SGSM2: variants seen among roughly 807,000 people sequenced by gnomAD.
SGSM2 encodes the protein RUN and TBC1 domain containing 1.
Under a neutral mutation model 126.6 loss-of-function variants are expected in SGSM2, and 89 were observed. That is an observed-to-expected ratio of 0.70 (90% CI 0.59 to 0.84). The LOEUF is 0.84. SGSM2 is among the 40% of genes least tolerant of loss of function. The pLI is 0.00. For synonymous variants in SGSM2, 614 were observed against 574.3 expected (o/e 1.07, Z -0.99); for missense variants, 1,404 against 1,416.6 (o/e 0.99, Z 0.14).
At chr17:2,345,595 CAAAAAA>C (rs1228278801) in intron 2 of SGSM2, among the ~76,000 whole-genome samples, 2 of 84,214 alleles carry the variant, frequency 2.4e-5, no homozygotes, top group South Asian at 5.1e-4. Flanking sequence ...GACTCTGTCT[CAAAAAA>C]AAAAAAAAAA....
At position 2,380,213 on chromosome 17, in the gene SGSM2, G is replaced by T. The variant is rs2066354572; in HGVS notation, c.*693G>T. 2 of 1,534,798 alleles carry T rather than the reference G, an allele frequency of 1.3e-6. No homozygotes were observed. Among genetic ancestry groups the T allele is most frequent in the Non-Finnish European group, 1.7e-6 (2 of 1,145,912 alleles). On this transcript the variant is annotated 3_prime_UTR_variant, in exon 24 of 24. Transcript: ENST00000268989. ...CCCCGGCCTTGTACAGTGTACCTCT[G>T]TGTATCTGTACAGCCTCGCTCCTGC... is the stretch of plus-strand genomic sequence containing the variant.
chr17:2,357,343 A>G (rs1224721758), intron 2 of SGSM2, among the ~76,000 whole-genome samples: 5 of 152,128 alleles, frequency 3.3e-5, no homozygotes, highest in Non-Finnish European at 5.9e-5. Context: ...CCAGACTCCA[A>G]AGGCCACCAG....
At chr17:2,344,348 C>T (rs1426859500) in intron 2 of SGSM2, among the ~76,000 whole-genome samples, 1 of 152,258 alleles carries the variant, frequency 6.6e-6, no homozygotes, top group East Asian at 1.9e-4. Flanking sequence ...AGCTTCCTCT[C>T]AACCCCCCAT....
Position 2,363,660 on chromosome 17 carries a change from C to G in SGSM2, c.807+61C>G. On this transcript the variant is annotated intron_variant, in intron 7 of 23. Coordinates refer to ENST00000268989, the MANE Select transcript of SGSM2 (RefSeq NM_014853.3). The surrounding 1 kb of genome is among the most constrained non-coding windows in gnomAD (Gnocchi z 4.2). Reference sequence around the variant, plus strand: ...GTCCCCGAACGAGACGACTGGAAGCCTCTAGCCATGGCTATTCCTTTCCTG... The same window carrying G: ...GTCCCCGAACGAGACGACTGGAAGCGTCTAGCCATGGCTATTCCTTTCCTG... 1.9e-6 allele frequency: 3 copies of G among 1,593,954 alleles called. No individual in the cohort carries two copies. Among genetic ancestry groups the G allele is most frequent in the Non-Finnish European group, 2.6e-6 (3 of 1,167,608 alleles).
chr17:2,371,570 T>C, intron 13 of SGSM2, 155 bp downstream of exon 13: 1 of 870,918 alleles, frequency 1.1e-6, no homozygotes, highest in Non-Finnish European at 1.7e-6. Flanking sequence ...CCACGTGACT[T>C]ACAAGTTATG....
At chr17:2,348,400 C>G (rs926307133) in intron 2 of SGSM2, among the ~76,000 whole-genome samples, 8 of 152,132 alleles carry the variant, frequency 5.3e-5, no homozygotes, top group African/African-American at 1.9e-4. Context: ...AAAGGAGGAG[C>G]GGGTTCCTCC....
chr17:2,364,225 G>A (rs2065454425), intron 8 of SGSM2, 42 bp downstream of exon 8: 1 of 1,611,666 alleles, frequency 6.2e-7, no homozygotes, highest in South Asian at 1.1e-5. Context: ...AGGGCAGGGA[G>A]TGGGTTTGAC....
chr17:2,377,412 A>T, intron 21 of SGSM2: 1 of 179,872 alleles, frequency 5.6e-6, no homozygotes, highest in Admixed American at 6.4e-5. Flanking sequence ...TGAACCCGGG[A>T]GGTGGAGGTT....
intron 2 of SGSM2, among the ~76,000 whole-genome samples, chr17:2,354,894 G>T (rs1321458893): frequency 6.9e-6 from 1 of 144,996 alleles, no homozygotes; most frequent in Non-Finnish European, 1.5e-5. Flanking sequence ...AAGCGTTGGG[G>T]AAGGGACCCC....
chr17:2,337,817 G>A lies in SGSM2; in HGVS notation c.57+72G>A, dbSNP rs985523427. On this transcript the variant is annotated intron_variant, in intron 1 of 23. Coordinates refer to ENST00000268989, the MANE Select transcript of SGSM2 (RefSeq NM_014853.3). This position sits in a 1 kb window ranked among gnomAD's most constrained non-coding sequence, Gnocchi z 5.1. Reference sequence around the variant, plus strand: ...CGGCCCAGGGGGCAGAAAGGTCCGCGCCCACCCCCCGGCGCGGGCACCCGG... The same window carrying A: ...CGGCCCAGGGGGCAGAAAGGTCCGCACCCACCCCCCGGCGCGGGCACCCGG... The A allele has an allele frequency of 4.9e-6, 6 of 1,230,806 alleles. No individual in the cohort carries two copies. Among genetic ancestry groups the A allele is most frequent in the Non-Finnish European group, 6.5e-6 (6 of 928,124 alleles). The allele number at this position is 1,230,806 out of a possible 1,614,324, so 76.2% of individuals were successfully genotyped here.
intron 2 of SGSM2, among the ~76,000 whole-genome samples, chr17:2,360,869 C>T (rs118036039): frequency 0.026 from 3,964 of 152,308 alleles, 60 homozygotes; most frequent in Non-Finnish European, 0.039. Flanking sequence ...TGACTGTGAT[C>T]GAGTTTCTTC....
At chr17:2,340,732 C>A (rs983218493) in intron 1 of SGSM2, among the ~76,000 whole-genome samples, 1 of 151,924 alleles carries the variant, frequency 6.6e-6, no homozygotes, top group Non-Finnish European at 1.5e-5. Flanking sequence ...CTACAGGCGC[C>A]TGCCACCACG....
rs2065657468 is a variant in SGSM2, at chr17:2,367,629, G to A, written c.1423+224G>A. ...GGCAGGTGGCTCCAGGCTGTGAGGAGGAAGAGGATTTGCTAATAGGAAGGT... is the reference window on the plus strand; with the variant it reads ...GGCAGGTGGCTCCAGGCTGTGAGGAAGAAGAGGATTTGCTAATAGGAAGGT... On this transcript the variant is annotated intron_variant, in intron 12 of 23. Transcript: ENST00000268989. This position sits in a 1 kb window ranked among gnomAD's most constrained non-coding sequence, Gnocchi z 4.0. Among the ~76,000 whole-genome samples the A allele has an allele frequency of 6.6e-6, 1 of 152,256 alleles. No individual in the cohort carries two copies. The highest frequency in any genetic ancestry group is 2.1e-4 in the South Asian group (1 of 4,838).
rs779002424 is a variant in SGSM2, at chr17:2,362,960, G to A, written c.527-29G>A. The A allele has an allele frequency of 2.4e-5, 38 of 1,613,934 alleles. No homozygotes were observed. The highest frequency in any genetic ancestry group is 3.3e-4 in the Middle Eastern group (2 of 6,082). On this transcript the variant is annotated intron_variant, in intron 5 of 23. Coordinates refer to ENST00000268989, the MANE Select transcript of SGSM2 (RefSeq NM_014853.3). This position sits in a 1 kb window ranked among gnomAD's most constrained non-coding sequence, Gnocchi z 4.9. ...ACGGGGCAGGTGCTGAGGGAGCATCGTCTGGGCTGGCTGTCTCTGTCTCCA... is the reference window on the plus strand; with the variant it reads ...ACGGGGCAGGTGCTGAGGGAGCATCATCTGGGCTGGCTGTCTCTGTCTCCA...
rs1165473173 is a variant in SGSM2, at chr17:2,367,874, C to T, written c.1423+469C>T. On this transcript the variant is annotated intron_variant, in intron 12 of 23. Transcript: ENST00000268989. The surrounding 1 kb of genome is among the most constrained non-coding windows in gnomAD (Gnocchi z 4.0). ...GCAGGGGCAGCAGCTGTGGGTCAGG[C>T]GAGGGGTTGAGGGCTGCCATGCGAA... Among the ~76,000 whole-genome samples the T allele has an allele frequency of 2.6e-5, 4 of 152,088 alleles. No individual in the cohort carries two copies. Among genetic ancestry groups the T allele is most frequent in the Non-Finnish European group, 5.9e-5 (4 of 67,988 alleles).
intron 21 of SGSM2, 55 bp from the exon 22 acceptor site, chr17:2,377,802 C>A: frequency 8.4e-7 from 1 of 1,197,204 alleles, no homozygotes; most frequent in Non-Finnish European, 1.2e-6. Context: ...GAGTGGCGGC[C>A]AGAGGCAGCA....
At chr17:2,350,137 G>C (rs1202888659) in intron 2 of SGSM2, among the ~76,000 whole-genome samples, 1 of 151,606 alleles carries the variant, frequency 6.6e-6, no homozygotes, top group Admixed American at 6.6e-5. Context: ...GCCCAGACTG[G>C]TCTCAAACTC....
In SGSM2 at chr17:2,367,466, G is replaced by A; in HGVS notation, c.1423+61G>A. ...CCCACCCTCCCTCCCGGGCCCGCCT[G>A]CCACCCACCACAGGGGTTCGAACGG... On this transcript the variant is annotated intron_variant, in intron 12 of 23. Transcript: ENST00000268989. This position sits in a 1 kb window ranked among gnomAD's most constrained non-coding sequence, Gnocchi z 4.0. The A allele has an allele frequency of 6.4e-7, 1 of 1,564,250 alleles. No homozygotes were observed. The highest frequency in any genetic ancestry group is 1.2e-5 in the South Asian group (1 of 85,276).
At chr17:2,377,701 G>C (rs901961775) in intron 21 of SGSM2, 156 bp from the exon 22 acceptor site, 2 of 547,096 alleles carry the variant, frequency 3.7e-6, no homozygotes, top group East Asian at 3.1e-5. Flanking sequence ...GGAGATCCGA[G>C]GGGGAGAGAG....
Sources: allele counts gnomAD v4.1 joint callset (sites outside exome capture counted in the v4.1 genomes callset), GRCh38; gene constraint gnomAD v4.1.1; non-coding constraint Gnocchi (gnomAD v3.1); transcripts MANE v1.5; gene names NCBI Gene and HGNC (gene_info 2026-07-23, HGNC 2026-07-21).